The following GTPBP1 variants were observed in gnomAD, a reference collection of about 807,000 sequenced individuals.
GTPBP1 encodes GTP-binding protein 1.
In GTPBP1, 23 loss-of-function variants were observed where a neutral mutation model predicts 62.0. That is an observed-to-expected ratio of 0.37 (90% CI 0.27 to 0.53). The LOEUF (loss-of-function observed/expected upper bound fraction) is 0.53, where lower values mean the gene tolerates loss of function less well. Among genes scored for constraint, GTPBP1 ranks in the 20% least tolerant of loss-of-function variants. The probability of loss-of-function intolerance (pLI) is 0.89; values close to 1 mark genes in which losing one functional copy is unlikely to be tolerated. For synonymous variants in GTPBP1, 344 were observed against 364.4 expected (o/e 0.94, Z 0.64); for missense variants, 640 against 917.3 (o/e 0.70, Z 3.90).
At chr22:38,717,029 G>A in intron 4 of GTPBP1, 29 bp downstream of exon 4, 8 of 1,378,930 alleles carry the variant, frequency 5.8e-6, no homozygotes, top group Middle Eastern at 1.9e-4. Context: ...AAGGAGGGGA[G>A]GCGTCAGCAG....
chr22:38,738,865 G>A (rs770843485), downstream of GTPBP1: 1 of 1,600,226 alleles, frequency 6.2e-7, no homozygotes, highest in South Asian at 1.1e-5. This position sits in a 1 kb window ranked among gnomAD's most constrained non-coding sequence, Gnocchi z 6.6. Flanking sequence ...TGCTTGCCAG[G>A]TGCCCACCTG....
chr22:38,724,514 GA>G (rs2092716979), intron 6 of GTPBP1, 103 bp downstream of exon 6: 1 of 697,948 alleles, frequency 1.4e-6, no homozygotes, highest in East Asian at 2.7e-5. Flanking sequence ...AAGGTCTCAT[GA>G]AAACACCACA....
chr22:38,708,662 T>A (rs2097046951), intron 1 of GTPBP1, among the ~76,000 whole-genome samples, 183 bp from the exon 2 acceptor site: 2 of 152,212 alleles, frequency 1.3e-5, no homozygotes, highest in South Asian at 4.1e-4. Flanking sequence ...TTGGCTCATA[T>A]AAGGCCTGAG....
intron 2 of GTPBP1, among the ~76,000 whole-genome samples, chr22:38,713,336 T>A (rs539091453): frequency 6.6e-6 from 1 of 152,146 alleles, no homozygotes; most frequent in Non-Finnish European, 1.5e-5. Flanking sequence ...AAGCTTTGAC[T>A]TGAAGTGACG....
chr22:38,726,182 C>A lies in GTPBP1; in HGVS notation c.1218+32C>A. On this transcript the variant is annotated intron_variant, in intron 7 of 11. Transcript: ENST00000216044. The surrounding 1 kb of genome is among the most constrained non-coding windows in gnomAD (Gnocchi z 4.1). Reference sequence around the variant, plus strand: ...GGCTCTGGGCGGGTAGCTGGGTGGGCACTTCCTACAGTGGCATCAGGGGGT... The same window carrying A: ...GGCTCTGGGCGGGTAGCTGGGTGGGAACTTCCTACAGTGGCATCAGGGGGT... 1 of 1,608,796 alleles carries A rather than the reference C, an allele frequency of 6.2e-7. No individual in the cohort carries two copies. Among genetic ancestry groups the A allele is most frequent in the Non-Finnish European group, 8.5e-7 (1 of 1,175,722 alleles).
At chr22:38,741,066 G>C (rs1466505953), downstream of GTPBP1, 1 of 1,591,358 alleles carries the variant, frequency 6.3e-7, no homozygotes, top group African/African-American at 1.3e-5. Flanking sequence ...TAGGAAGAAG[G>C]GACAAATACA....
At chr22:38,740,038 G>T, downstream of GTPBP1, 1 of 1,414,272 alleles carries the variant, frequency 7.1e-7, no homozygotes, top group Non-Finnish European at 9.6e-7. The surrounding 1 kb of genome is among the most constrained non-coding windows in gnomAD (Gnocchi z 4.8). Context: ...AGCAGGGATA[G>T]GGTAGGAGGG....
downstream of GTPBP1, chr22:38,736,272 G>C (rs1462072765): frequency 1.9e-6 from 3 of 1,612,444 alleles, no homozygotes; most frequent in Non-Finnish European, 2.5e-6. Context: ...CAGGGCTAGT[G>C]GGCGGGCTCC....
Position 38,726,476 on chromosome 22 carries a change from T to C in GTPBP1, c.1401+36T>C, listed in dbSNP as rs1226695085. ...ATGATACTGAACGCTCCCCTCAGACTCCATCATGCTAGGCTCTTGGCCAGA... is the reference window on the plus strand; with the variant it reads ...ATGATACTGAACGCTCCCCTCAGACCCCATCATGCTAGGCTCTTGGCCAGA... On this transcript the variant is annotated intron_variant, in intron 8 of 11. Transcript: ENST00000216044. The surrounding 1 kb of genome is among the most constrained non-coding windows in gnomAD (Gnocchi z 4.1). The C allele has an allele frequency of 3.8e-6, 6 of 1,570,488 alleles. No individual in the cohort carries two copies. The highest frequency in any genetic ancestry group is 5.2e-6 in the Non-Finnish European group (6 of 1,144,376).
At chr22:38,736,269 A>G, downstream of GTPBP1, 1 of 1,612,072 alleles carries the variant, frequency 6.2e-7, no homozygotes, top group South Asian at 1.1e-5. Context: ...AAGCAGGGCT[A>G]GTGGGCGGGC....
downstream of GTPBP1, chr22:38,739,172 G>T: frequency 1.1e-6 from 1 of 900,150 alleles, no homozygotes; most frequent in Non-Finnish European, 1.8e-6. This position sits in a 1 kb window ranked among gnomAD's most constrained non-coding sequence, Gnocchi z 6.7. Context: ...TACTCGGTAC[G>T]TCCTGACTTC....
In GTPBP1 at chr22:38,716,597, C is replaced by A. The variant is rs1039479898; in HGVS notation, c.486-55C>A. The A allele has an allele frequency of 3.1e-6, 4 of 1,302,256 alleles. No homozygotes were observed. The Admixed American group carries it at 5.9e-5, about 19-fold the overall frequency. The allele number at this position is 1,302,256 out of a possible 1,614,324, so 80.7% of individuals were successfully genotyped here. Reference sequence around the variant, plus strand: ...AATTACTGGGGTTATGATGGTCGCTCCACCTCACTCATTCACTAACTCTCA... The same window carrying A: ...AATTACTGGGGTTATGATGGTCGCTACACCTCACTCATTCACTAACTCTCA... On this transcript the variant is annotated intron_variant, in intron 3 of 11. Transcript: ENST00000216044. The surrounding 1 kb of genome is among the most constrained non-coding windows in gnomAD (Gnocchi z 5.2).
chr22:38,705,997 C>G lies in GTPBP1; in HGVS notation c.42C>G (p.Val14=), dbSNP rs2092601631. 6.8e-7 allele frequency: 1 copy of G among 1,460,520 alleles called. No homozygotes were observed. Among genetic ancestry groups the G allele is most frequent in the South Asian group, 1.3e-5 (1 of 78,140 alleles). 90.5% of individuals were successfully genotyped at this position (1,460,520 alleles called of 1,614,324 possible). ...ERSRSAMDSP[V]PASMFAPEPS... Reference sequence around the variant, plus strand: ...GTCGCTCCGCGATGGACTCGCCGGTCCCGGCCTCTATGTTCGCCCCCGAGC... The same window carrying G: ...GTCGCTCCGCGATGGACTCGCCGGTGCCGGCCTCTATGTTCGCCCCCGAGC... The change falls in exon 1 of 12, where the codon GTC becomes GTG. Residue 14 remains valine, a synonymous_variant. Coordinates refer to ENST00000216044, the MANE Select transcript of GTPBP1 (RefSeq NM_004286.5).
downstream of GTPBP1, chr22:38,739,207 A>T (rs1419728897): frequency 3.8e-6 from 4 of 1,066,314 alleles, no homozygotes; most frequent in East Asian, 2.5e-5. This position sits in a 1 kb window ranked among gnomAD's most constrained non-coding sequence, Gnocchi z 6.7. Context: ...TGCCTTTGTC[A>T]TGGGTACTAG....
intron 11 of GTPBP1, among the ~76,000 whole-genome samples, 179 bp downstream of exon 11, chr22:38,729,841 T>C (rs1184661300): frequency 6.6e-6 from 1 of 152,208 alleles, no homozygotes; most frequent in African/African-American, 2.4e-5. Context: ...AAGGCAGTGC[T>C]TCCAAATCAG....
downstream of GTPBP1, among the ~76,000 whole-genome samples, chr22:38,737,548 C>T (rs568813398): frequency 2.6e-5 from 4 of 152,256 alleles, no homozygotes; most frequent in Admixed American, 6.5e-5. The surrounding 1 kb of genome is among the most constrained non-coding windows in gnomAD (Gnocchi z 4.1). Context: ...CCCCCAGGTC[C>T]CTGAGGGCTT....
Position 38,723,434 on chromosome 22 carries a change from A to G in GTPBP1, c.959-863A>G, listed in dbSNP as rs148448419. 3.0e-4 allele frequency: 321 copies of G among 1,078,920 alleles called. No individual in the cohort carries two copies. The African/African-American group carries it at 4.3e-3, about 15-fold the overall frequency. 66.8% of individuals were successfully genotyped at this position (1,078,920 alleles called of 1,614,324 possible). A position where few individuals can be genotyped will look rare whatever the true frequency, so the allele number is the denominator to read the frequency against. On this transcript the variant is annotated intron_variant, in intron 5 of 11. Transcript: ENST00000216044. Reference sequence around the variant, plus strand: ...AAGCTTGAGGGCTGCAGTGGCAGAAATGCCCCAAGGAATGGCACTCACATG... The same window carrying G: ...AAGCTTGAGGGCTGCAGTGGCAGAAGTGCCCCAAGGAATGGCACTCACATG...
At chr22:38,724,259 C>T in intron 5 of GTPBP1, 38 bp from the exon 6 acceptor site, 2 of 1,206,210 alleles carry the variant, frequency 1.7e-6, no homozygotes, top group Non-Finnish European at 2.5e-6. Flanking sequence ...AAAGAGAAGG[C>T]TGTGTCCCCC....
At chr22:38,740,127 C>A, downstream of GTPBP1, 1 of 1,274,000 alleles carries the variant, frequency 7.8e-7, no homozygotes, top group Non-Finnish European at 1.1e-6. The surrounding 1 kb of genome is among the most constrained non-coding windows in gnomAD (Gnocchi z 4.8). Flanking sequence ...TGAGAGCCCA[C>A]ATGTGTCAAG....
Sources: allele counts gnomAD v4.1 joint callset (sites outside exome capture counted in the v4.1 genomes callset), GRCh38; gene constraint gnomAD v4.1.1; non-coding constraint Gnocchi (gnomAD v3.1); transcripts MANE v1.5; gene names NCBI Gene and HGNC (gene_info 2026-07-23, HGNC 2026-07-21).